Variants in ZNF507 observed in about 807,000 individuals in gnomAD.
ZNF507 encodes zinc finger protein 507.
In ZNF507, 29 loss-of-function variants were observed where a neutral mutation model predicts 80.0. That is an observed-to-expected ratio of 0.36 (90% CI 0.27 to 0.49). The LOEUF (loss-of-function observed/expected upper bound fraction) is 0.49, where lower values mean the gene tolerates loss of function less well. ZNF507 is among the 20% of genes least tolerant of loss of function. The probability of loss-of-function intolerance (pLI) is 0.98; values close to 1 mark genes in which losing one functional copy is unlikely to be tolerated. For synonymous variants in ZNF507, 462 were observed against 422.5 expected (o/e 1.09, Z -1.15); for missense variants, 1,081 against 1,152.2 (o/e 0.94, Z 0.90).
rs780651957 is a variant in ZNF507, at chr19:32,353,951, C to T, written c.1121C>T (p.Pro374Leu). ...TCTGATGCAGAGGAGAATCTGATTCCTGATAGCCTGCTTACATCAGCACAG... is the reference window on the plus strand; with the variant it reads ...TCTGATGCAGAGGAGAATCTGATTCTTGATAGCCTGCTTACATCAGCACAG... ...VISDAEENLI[P>L]DSLLTSAQKI... Residue 374 changes from proline to leucine, a missense_variant, in exon 3 of 7, where the codon CCT (proline) becomes CTT (leucine). Coordinates refer to ENST00000355898, the MANE Select transcript of ZNF507 (RefSeq NM_001136156.2). The T allele has an allele frequency of 1.9e-6, 3 of 1,614,012 alleles. No homozygotes were observed.
chr19:32,371,374 T>A (rs770237833), intron 5 of ZNF507, among the ~76,000 whole-genome samples: 40 of 150,522 alleles, frequency 2.7e-4, no homozygotes, highest in Non-Finnish European at 4.7e-4. Context: ...CTTGGGAGGC[T>A]GAGGCAGGAG....
At chr19:32,360,736 T>G in intron 5 of ZNF507, 118 bp downstream of exon 5, 1 of 491,568 alleles carries the variant, frequency 2.0e-6, no homozygotes, top group Non-Finnish European at 3.4e-6. Flanking sequence ...GTAAGAAATT[T>G]TCACTAATTG....
intron 5 of ZNF507, among the ~76,000 whole-genome samples, chr19:32,380,815 G>A (rs1225432448): frequency 1.3e-5 from 2 of 152,228 alleles, no homozygotes; most frequent in Non-Finnish European, 2.9e-5. Flanking sequence ...AAAAACCTGC[G>A]CTTGCTGGGA....
At chr19:32,351,095 G>A (rs1967156633) in intron 2 of ZNF507, among the ~76,000 whole-genome samples, 1 of 152,222 alleles carries the variant, frequency 6.6e-6, no homozygotes, top group Non-Finnish European at 1.5e-5. Context: ...TCTTTTGAGA[G>A]ATTGTTTAAG....
chr19:32,369,893 A>G (rs1244908746), intron 5 of ZNF507, among the ~76,000 whole-genome samples: 1 of 152,102 alleles, frequency 6.6e-6, no homozygotes, highest in African/African-American at 2.4e-5. Context: ...TGTATGCCGG[A>G]ATCTTCTCTC....
At chr19:32,376,836 G>A (rs760242708) in intron 5 of ZNF507, among the ~76,000 whole-genome samples, 1 of 152,282 alleles carries the variant, frequency 6.6e-6, no homozygotes, top group East Asian at 1.9e-4. Flanking sequence ...CATCTCCAAT[G>A]ATAGGTAAGG....
Position 32,353,236 on chromosome 19 carries a change from T to A in ZNF507, c.406T>A (p.Ser136Thr), listed in dbSNP as rs1967195723. 6.2e-7 allele frequency: 1 copy of A among 1,614,090 alleles called. No individual in the cohort carries two copies. Among genetic ancestry groups the A allele is most frequent in the Non-Finnish European group, 8.5e-7 (1 of 1,180,050 alleles). Residue 136 changes from serine to threonine, a missense_variant, in exon 3 of 7, where the codon TCC becomes ACC. This residue lies in a region of ZNF507 where 275 missense variants were observed against 303.9 expected (regional missense o/e 0.90). Coordinates refer to ENST00000355898, the MANE Select transcript of ZNF507 (RefSeq NM_001136156.2). ...TAGCCTTTGTAAGTTTCTATCATCATCCTTTTCCGTGTTAAAAGATCATAT... is the reference window on the plus strand; with the variant it reads ...TAGCCTTTGTAAGTTTCTATCATCAACCTTTTCCGTGTTAAAAGATCATAT... ...QCSLCKFLSS[S>T]FSVLKDHIKQ...
At chr19:32,356,141 T>C (rs745997461) in intron 3 of ZNF507, among the ~76,000 whole-genome samples, 4 of 152,234 alleles carry the variant, frequency 2.6e-5, no homozygotes, top group Non-Finnish European at 5.9e-5. Context: ...CTTTTGCTAC[T>C]GAGCTCTTGA....
Position 32,353,963 on chromosome 19 carries a change from T to C in ZNF507, c.1133T>C (p.Leu378Pro), listed in dbSNP as rs139421096. The change falls in exon 3 of 7, where the codon CTT (leucine) becomes CCT (proline). Residue 378 changes from leucine (L) to proline (P), a missense_variant. By Grantham distance (98) the Leu-to-Pro change is moderately conservative. Transcript: ENST00000355898. ...AEENLIPDSL[L>P]TSAQKIISSS... is the part of the protein sequence containing the mutation. ...GAGAATCTGATTCCTGATAGCCTGC[T>C]TACATCAGCACAGAAAATCATCAGC... 6.2e-7 allele frequency: 1 copy of C among 1,614,174 alleles called. No individual in the cohort carries two copies. Among genetic ancestry groups the C allele is most frequent in the Non-Finnish European group, 8.5e-7 (1 of 1,180,036 alleles).
rs756558400 is a variant in ZNF507 at position 32,383,014 on chromosome 19, A to G, written c.2793A>G (p.Lys931=). ...AAGAAAACCTCTTGGATCATATGAA[A>G]GAGCACGAGGGTGAAATTGTAAACA... The part of the protein sequence containing the change: ...TSKENLLDHM[K]EHEGEIVNII... The change falls in exon 7 of 7, where the codon AAA becomes AAG. Residue 931 remains lysine (K), a synonymous_variant. Transcript: ENST00000355898. The G allele has an allele frequency of 6.8e-6, 11 of 1,614,178 alleles. No individual in the cohort carries two copies. The South Asian group carries it at 1.1e-4, about 16-fold the overall frequency.
At chr19:32,352,167 A>C (rs1317554541) in intron 2 of ZNF507, among the ~76,000 whole-genome samples, 2 of 151,880 alleles carry the variant, frequency 1.3e-5, no homozygotes, top group African/African-American at 2.4e-5. Context: ...GTTTATCTTC[A>C]GGAAGATAAA....
At chr19:32,351,679 G>A (rs1032788040) in intron 2 of ZNF507, among the ~76,000 whole-genome samples, 4 of 152,032 alleles carry the variant, frequency 2.6e-5, no homozygotes, top group African/African-American at 9.7e-5. Flanking sequence ...TAAGAATAGT[G>A]TGGTCTTTGG....
At position 32,384,943 on chromosome 19, in the gene ZNF507, C is replaced by T. The variant is rs939066159; in HGVS notation, c.*1860C>T. On this transcript the variant is annotated 3_prime_UTR_variant, in exon 7 of 7. Coordinates refer to ENST00000355898, the MANE Select transcript of ZNF507 (RefSeq NM_001136156.2). ...TTTCGGAATTGAAACATTTTAATTTCAAATTCAAATAGAACATTTAAAATG... is the reference window on the plus strand; with the variant it reads ...TTTCGGAATTGAAACATTTTAATTTTAAATTCAAATAGAACATTTAAAATG... 4.6e-5 allele frequency: 7 copies of T among 151,946 alleles called. No homozygotes were observed. Among genetic ancestry groups the T allele is most frequent in the Admixed American group, 2.6e-4 (4 of 15,238 alleles). The allele number at this position is 151,946 out of a possible 1,614,324, so 9.4% of individuals were successfully genotyped here.
intron 5 of ZNF507, among the ~76,000 whole-genome samples, chr19:32,381,700 A>G (rs1967625448): frequency 6.6e-6 from 1 of 152,184 alleles, no homozygotes; most frequent in Non-Finnish European, 1.5e-5. Context: ...TTTTGTTAAT[A>G]AAAATTTATC....
chr19:32,362,285 A>AC (rs1967339550), intron 5 of ZNF507, among the ~76,000 whole-genome samples: 1 of 152,212 alleles, frequency 6.6e-6, no homozygotes, highest in Admixed American at 6.5e-5. Flanking sequence ...AGTTTACCTG[A>AC]TAGGAGGAGA....
Position 32,354,279 on chromosome 19 carries a change from A to G in ZNF507, c.1449A>G (p.Arg483=). The G allele has an allele frequency of 6.2e-7, 1 of 1,614,178 alleles. No homozygotes were observed. The highest frequency in any genetic ancestry group is 8.5e-7 in the Non-Finnish European group (1 of 1,180,030). Reference sequence around the variant, plus strand: ...ATGAGAATGCCCCACCAGGCCGGAGAAGGACAAATTCTGAGTCTCTTCGAT... The same window carrying G: ...ATGAGAATGCCCCACCAGGCCGGAGGAGGACAAATTCTGAGTCTCTTCGAT... ...ATDENAPPGR[R]RTNSESLRLH... is the part of the protein sequence containing the mutation. Residue 483 remains arginine, a synonymous_variant, in exon 3 of 7, where the codon AGA becomes AGG. Transcript: ENST00000355898.
intron 5 of ZNF507, among the ~76,000 whole-genome samples, chr19:32,365,869 G>A (rs1967391675): frequency 6.6e-6 from 1 of 152,206 alleles, no homozygotes; most frequent in Non-Finnish European, 1.5e-5. Context: ...CCGGGACATA[G>A]TAGGTGCTCG....
At chr19:32,378,214 G>A (rs908831988) in intron 5 of ZNF507, among the ~76,000 whole-genome samples, 22 of 152,040 alleles carry the variant, frequency 1.4e-4, no homozygotes, top group African/African-American at 4.6e-4. Flanking sequence ...TTAGCCAGGC[G>A]TGGTGGCACA....
At chr19:32,350,637 C>T (rs1466995879) in intron 2 of ZNF507, among the ~76,000 whole-genome samples, 3 of 151,682 alleles carry the variant, frequency 2.0e-5, no homozygotes, top group Non-Finnish European at 2.9e-5. Flanking sequence ...TAACATGAGT[C>T]ACCTTTGTAA....
Sources: allele counts gnomAD v4.1 joint callset (sites outside exome capture counted in the v4.1 genomes callset), GRCh38; gene constraint gnomAD v4.1.1; regional missense constraint gnomAD v4.1.1; transcripts MANE v1.5; gene names NCBI Gene and HGNC (gene_info 2026-07-23, HGNC 2026-07-21).